The following PELI1 variants were observed in gnomAD, a reference collection of about 807,000 sequenced individuals.
PELI1 encodes the protein E3 ubiquitin-protein ligase pellino homolog 1.
PELI1 carries 15 observed loss-of-function variants against 41.3 expected under a neutral mutation model. That is an observed-to-expected ratio of 0.36 (90% CI 0.24 to 0.56). The LOEUF (loss-of-function observed/expected upper bound fraction) is 0.56. PELI1 is among the 20% of genes least tolerant of loss of function. PELI1 has a pLI of 0.82. For missense variants in PELI1, 403 were observed against 525.5 expected, an observed-to-expected ratio of 0.77 and a Z score of 2.28; for synonymous variants, 178 against 180.1, an observed-to-expected ratio of 0.99 and a Z score of 0.09.
At chr2:64,143,187 A>G (rs1177286466) in intron 1 of PELI1, 2 of 152,342 alleles carry the variant, frequency 1.3e-5, no homozygotes, top group East Asian at 1.9e-4. Flanking sequence ...CAAAAATAAA[A>G]GTAGATGGTG....
intron 6 of PELI1, among the ~76,000 whole-genome samples, chr2:64,095,705 G>A (rs1218377468): frequency 2.6e-5 from 4 of 152,164 alleles, no homozygotes; most frequent in East Asian, 1.9e-4. Context: ...GTGCAATGGC[G>A]CAATCTTGGC....
At chr2:64,131,315 T>C (rs970720118) in intron 1 of PELI1, among the ~76,000 whole-genome samples, 7 of 150,944 alleles carry the variant, frequency 4.6e-5, no homozygotes, top group African/African-American at 9.8e-5. Flanking sequence ...TATATATATA[T>C]ACACACATAT....
intron 1 of PELI1, among the ~76,000 whole-genome samples, chr2:64,143,836 C>A (rs1349469669): frequency 6.6e-6 from 1 of 151,986 alleles, no homozygotes; most frequent in East Asian, 1.9e-4. Flanking sequence ...CCGCGCGCCC[C>A]GCTCCCGGGC....
chr2:64,139,812 T>C (rs1576107465), intron 1 of PELI1, among the ~76,000 whole-genome samples: 2 of 152,226 alleles, frequency 1.3e-5, no homozygotes, highest in African/African-American at 4.8e-5. Context: ...TACTCTTTCC[T>C]GCTAAGTTTG....
intron 1 of PELI1, among the ~76,000 whole-genome samples, chr2:64,139,543 CCT>C (rs1462155100): frequency 6.6e-6 from 1 of 152,218 alleles, no homozygotes; most frequent in Non-Finnish European, 1.5e-5. Flanking sequence ...GATCTTCCCA[CCT>C]CAGCCTCTCA....
chr2:64,138,140 C>T (rs1271450660), intron 1 of PELI1, among the ~76,000 whole-genome samples: 1 of 152,006 alleles, frequency 6.6e-6, no homozygotes, highest in African/African-American at 2.4e-5. Flanking sequence ...TCTGGTTATG[C>T]TGCTCAGACT....
chr2:64,111,287 T>C (rs1301064729), intron 1 of PELI1, among the ~76,000 whole-genome samples: 1 of 152,146 alleles, frequency 6.6e-6, no homozygotes, highest in Non-Finnish European at 1.5e-5. Flanking sequence ...AGGGAATGTA[T>C]GTAGCCCAAT....
At chr2:64,103,003 G>C (rs984840407) in intron 3 of PELI1, among the ~76,000 whole-genome samples, 4 of 151,982 alleles carry the variant, frequency 2.6e-5, no homozygotes, top group Non-Finnish European at 5.9e-5. Context: ...CACCACGCTT[G>C]GCTAATTTTT....
rs951278367 is a variant in PELI1 at position 64,138,104 on chromosome 2, T to C, written c.-70+5977A>G. 1.1e-4 allele frequency among the ~76,000 whole-genome samples: 16 copies of C among 152,146 alleles called. 1 individual carries two copies. Among genetic ancestry groups the C allele is most frequent in the Admixed American group, 7.9e-4 (12 of 15,268 alleles). ...GATCTAGTTACGCTAGTTTTTTTTGTTTTGTTTTGTTTTTTTTAGACAGGA... is the reference window on the plus strand; with the variant it reads ...GATCTAGTTACGCTAGTTTTTTTTGCTTTGTTTTGTTTTTTTTAGACAGGA... On this transcript the variant is annotated intron_variant, in intron 1 of 6. Coordinates refer to ENST00000358912, the MANE Select transcript of PELI1 (RefSeq NM_020651.4).
intron 1 of PELI1, among the ~76,000 whole-genome samples, chr2:64,129,690 A>G (rs1485255896): frequency 6.6e-6 from 1 of 152,220 alleles, no homozygotes; most frequent in Non-Finnish European, 1.5e-5. Flanking sequence ...GTCACACTGT[A>G]TCTTCAAAAG....
chr2:64,111,087 A>G (rs1223058741), intron 1 of PELI1, among the ~76,000 whole-genome samples: 1 of 152,088 alleles, frequency 6.6e-6, no homozygotes, highest in African/African-American at 2.4e-5. Context: ...TTCTCTCCCT[A>G]GTTCCTGATA....
Position 64,100,476 on chromosome 2 carries a change from A to G in PELI1, c.225T>C (p.His75=). The change falls in exon 4 of 7, where the codon CAT becomes CAC. Residue 75 remains histidine, a synonymous_variant. Transcript: ENST00000358912. ...CCCGAGATAAAGTATATGATATGCT[A>G]TGCTGGTCTTTGTTGCTTATTGCCT... ...AAKAISNKDQ[H]SISYTLSRAQ... The G allele has an allele frequency of 1.9e-6, 3 of 1,584,364 alleles. No homozygotes were observed. The highest frequency in any genetic ancestry group is 3.3e-4 in the Middle Eastern group (2 of 6,016).
intron 3 of PELI1, among the ~76,000 whole-genome samples, chr2:64,103,008 A>AT (rs1045594720): frequency 2.0e-5 from 3 of 151,758 alleles, no homozygotes; most frequent in Admixed American, 2.0e-4. Context: ...CGCTTGGCTA[A>AT]TTTTTTGTAT....
At chr2:64,109,353 A>G (rs1248154036) in intron 1 of PELI1, among the ~76,000 whole-genome samples, 1 of 152,190 alleles carries the variant, frequency 6.6e-6, no homozygotes, top group Non-Finnish European at 1.5e-5. Context: ...TTAACAGAAA[A>G]TCATTCATCC....
At chr2:64,099,006 G>C (rs1680333294) in intron 4 of PELI1, among the ~76,000 whole-genome samples, 1 of 152,144 alleles carries the variant, frequency 6.6e-6, no homozygotes, top group African/African-American at 2.4e-5. Flanking sequence ...CAGAATTCAG[G>C]ATGCCTGGTT....
chr2:64,119,373 A>G (rs1427184378), intron 1 of PELI1, among the ~76,000 whole-genome samples: 2 of 152,242 alleles, frequency 1.3e-5, no homozygotes, highest in East Asian at 1.9e-4. Context: ...CACAGAACAC[A>G]TACCTCTCTG....
intron 3 of PELI1, among the ~76,000 whole-genome samples, chr2:64,102,219 C>T (rs1441088195): frequency 1.3e-5 from 2 of 152,126 alleles, no homozygotes; most frequent in Non-Finnish European, 2.9e-5. Context: ...GGTATCCAAC[C>T]TCAAGAATGC....
chr2:64,100,809 C>T (rs965042371), intron 3 of PELI1, among the ~76,000 whole-genome samples: 4 of 152,060 alleles, frequency 2.6e-5, no homozygotes, highest in South Asian at 2.1e-4. Flanking sequence ...TCACTGCAAC[C>T]GCCGCCTCCC....
intron 1 of PELI1, 39 bp from the exon 2 acceptor site, chr2:64,108,418 C>T (rs984596287): frequency 2.4e-5 from 17 of 710,380 alleles, no homozygotes; most frequent in African/African-American, 1.1e-4. Flanking sequence ...GTGAACAATT[C>T]GTTTCAGTTT....
Sources: gnomAD v4.1 joint callset for allele counts (sites outside exome capture counted in the v4.1 genomes callset) on GRCh38, gnomAD v4.1.1 for gene constraint, MANE v1.5 for transcripts, NCBI Gene and HGNC (gene_info 2026-07-23, HGNC 2026-07-21) for gene names.